The following CALCR variants were observed in gnomAD, a reference collection of about 807,000 sequenced individuals.
The protein encoded by CALCR is calcitonin receptor.
A neutral mutation model predicts 59.5 loss-of-function variants in CALCR; 47 were observed. That is an observed-to-expected ratio of 0.79 (90% CI 0.63 to 1.01). The LOEUF is 1.01. Ranked by LOEUF, CALCR falls within the 50% of genes least tolerant of loss-of-function variation. The probability of loss-of-function intolerance (pLI) is 0.00; values close to 1 mark genes in which losing one functional copy is unlikely to be tolerated. For synonymous variants in CALCR, 213 were observed against 211.3 expected, an observed-to-expected ratio of 1.01 and a Z score of -0.07; for missense variants, 566 against 597.1, an observed-to-expected ratio of 0.95 and a Z score of 0.54.
At position 93,525,708 on chromosome 7, in the gene CALCR, A is replaced by G. The variant is rs530829627; in HGVS notation, c.-26-38701T>C. ...CAGTCAGTTAGAAACCAGATTGACAATAGTCAGTCAGGATTAATTCTTAAA... is the reference window on the plus strand; with the variant it reads ...CAGTCAGTTAGAAACCAGATTGACAGTAGTCAGTCAGGATTAATTCTTAAA... On this transcript the variant is annotated intron_variant, in intron 2 of 13. Transcript: ENST00000426151. Among the ~76,000 whole-genome samples, 3 of 152,350 alleles carry G rather than the reference A, an allele frequency of 2.0e-5. No individual in the cohort carries two copies. In the East Asian group the frequency reaches 5.8e-4, roughly 29 times the overall value.
chr7:93,526,636 A>G lies in CALCR; in HGVS notation c.-26-39629T>C, dbSNP rs148685639. ...AGAGAATATGAAATAATGTAAAGTG[A>G]TAATATATGAAATTTTATTCCATTA... On this transcript the variant is annotated intron_variant, in intron 2 of 13. Coordinates refer to ENST00000426151, the MANE Select transcript of CALCR (RefSeq NM_001742.4). Among the ~76,000 whole-genome samples, 30 of 152,244 alleles carry G rather than the reference A, an allele frequency of 2.0e-4. 1 individual carries two copies. Among genetic ancestry groups the G allele is most frequent in the Admixed American group, 5.9e-4 (9 of 15,284 alleles).
chr7:93,477,961 C>CAAAAAAAAAAAAAAAAAAAAA (rs71107894), intron 4 of CALCR, among the ~76,000 whole-genome samples: 1 of 54,400 alleles, frequency 1.8e-5, no homozygotes, highest in Non-Finnish European at 3.3e-5. Flanking sequence ...GACCCTCTCT[C>CAAAAAAAAAAAAAAAAAAAAA]AAAAAAAAAA....
At chr7:93,497,136 G>T (rs1319801264) in intron 2 of CALCR, among the ~76,000 whole-genome samples, 2 of 151,518 alleles carry the variant, frequency 1.3e-5, no homozygotes, top group African/African-American at 4.8e-5. Flanking sequence ...GCTGTTCTGG[G>T]TAAACAGTGT....
At chr7:93,537,149 CA>C (rs1314311685) in intron 2 of CALCR, among the ~76,000 whole-genome samples, 2 of 151,522 alleles carry the variant, frequency 1.3e-5, no homozygotes, top group African/African-American at 4.8e-5. Flanking sequence ...AGTTGTGAGA[CA>C]ATTTTCCTCA....
intron 6 of CALCR, among the ~76,000 whole-genome samples, chr7:93,469,758 C>T (rs1800515010): frequency 6.6e-6 from 1 of 151,724 alleles, no homozygotes; most frequent in Non-Finnish European, 1.5e-5. Context: ...GTACTTTAAT[C>T]TCTTGGCTTT....
At chr7:93,471,166 C>CAACACTAAG (rs1467642276) in intron 6 of CALCR, among the ~76,000 whole-genome samples, 1 of 151,758 alleles carries the variant, frequency 6.6e-6, no homozygotes, top group Non-Finnish European at 1.5e-5. Flanking sequence ...AGTCCAAAAA[C>CAACACTAAG]AACACTAAGA....
chr7:93,570,994 T>C (rs1026361994), intron 2 of CALCR, among the ~76,000 whole-genome samples: 1 of 152,202 alleles, frequency 6.6e-6, no homozygotes, highest in East Asian at 1.9e-4. Context: ...ACTTTTAATA[T>C]AAAATTTTAA....
At chr7:93,460,607 A>G (rs1800312546) in intron 8 of CALCR, among the ~76,000 whole-genome samples, 1 of 139,260 alleles carries the variant, frequency 7.2e-6, no homozygotes, top group African/African-American at 2.8e-5. Flanking sequence ...ATATATATAT[A>G]TATATGGTTT....
In CALCR at chr7:93,425,412, A is replaced by ATCT. The variant is rs1307736383; in HGVS notation, c.*941_*943dup. The ATCT allele has an allele frequency of 6.6e-6, 1 of 152,606 alleles. No individual in the cohort carries two copies. The highest frequency in any genetic ancestry group is 2.4e-5 in the African/African-American group (1 of 41,442). The allele number at this position is 152,606 out of a possible 1,614,324, so 9.5% of individuals were successfully genotyped here. On this transcript the variant is annotated 3_prime_UTR_variant, in exon 14 of 14. Coordinates refer to ENST00000426151, the MANE Select transcript of CALCR (RefSeq NM_001742.4). ...TTAATTACCAATATTCAACAAATTTATCTTTTACTGCTAGATAGCACCCAA... is the reference window on the plus strand; with the variant it reads ...TTAATTACCAATATTCAACAAATTTATCTTCTTTTACTGCTAGATAGCACCCAA...
chr7:93,460,593 G>A (rs35878205), intron 8 of CALCR, among the ~76,000 whole-genome samples: 29,924 of 86,804 alleles, frequency 0.34, 4,950 homozygotes, highest in Non-Finnish European at 0.4. Flanking sequence ...ATATATATAT[G>A]TATATATATA....
intron 3 of CALCR, among the ~76,000 whole-genome samples, chr7:93,482,119 T>C (rs901704557): frequency 4.0e-5 from 6 of 151,836 alleles, no homozygotes; most frequent in African/African-American, 1.4e-4. Context: ...TGGAACACGA[T>C]TTGCAAAATT....
chr7:93,568,638 G>T lies in CALCR; in HGVS notation c.-27+5651C>A, dbSNP rs117391476. Reference sequence around the variant, plus strand: ...TCCCTTTAAATATTGGTGCTTTCCAGGATTCTAAGATGTTTTACTTTTCTT... The same window carrying T: ...TCCCTTTAAATATTGGTGCTTTCCATGATTCTAAGATGTTTTACTTTTCTT... On this transcript the variant is annotated intron_variant, in intron 2 of 13. Coordinates refer to ENST00000426151, the MANE Select transcript of CALCR (RefSeq NM_001742.4). Among the ~76,000 whole-genome samples, 71 of 149,768 alleles carry T rather than the reference G, an allele frequency of 4.7e-4. No homozygotes were observed. The East Asian group carries it at 0.012, about 25-fold the overall frequency.
intron 2 of CALCR, among the ~76,000 whole-genome samples, chr7:93,530,898 C>T (rs1309028981): frequency 6.6e-6 from 1 of 152,028 alleles, no homozygotes; most frequent in African/African-American, 2.4e-5. Context: ...CACTGGAGAG[C>T]TTGTCAGAAA....
intron 8 of CALCR, 80 bp downstream of exon 8, chr7:93,460,741 C>T: frequency 1.8e-6 from 2 of 1,085,044 alleles, no homozygotes; most frequent in Admixed American, 2.8e-5. Context: ...TGCTTAAGTC[C>T]AACATGAACA....
At chr7:93,467,361 A>T (rs1457009169) in intron 7 of CALCR, among the ~76,000 whole-genome samples, 1 of 151,670 alleles carries the variant, frequency 6.6e-6, no homozygotes, top group African/African-American at 2.4e-5. Context: ...ATCCAGTTAA[A>T]AATTGCTGTT....
intron 2 of CALCR, among the ~76,000 whole-genome samples, chr7:93,530,568 T>G (rs1788804897): frequency 6.6e-6 from 1 of 152,144 alleles, no homozygotes; most frequent in African/African-American, 2.4e-5. Flanking sequence ...ATCTTTGACA[T>G]GCTCTTCTAT....
At chr7:93,541,940 GT>G (rs889680517) in intron 2 of CALCR, among the ~76,000 whole-genome samples, 6 of 151,776 alleles carry the variant, frequency 4.0e-5, no homozygotes, top group African/African-American at 1.5e-4. Flanking sequence ...TTAGTAGCTG[GT>G]TTTTTTTGGA....
chr7:93,504,393 C>A (rs1011284036), intron 2 of CALCR, among the ~76,000 whole-genome samples: 1 of 152,160 alleles, frequency 6.6e-6, no homozygotes, highest in African/African-American at 2.4e-5. Context: ...AGTAATAGAC[C>A]ATGAGATAGT....
At chr7:93,463,983 A>G (rs1375149231) in intron 7 of CALCR, among the ~76,000 whole-genome samples, 1 of 152,068 alleles carries the variant, frequency 6.6e-6, no homozygotes, top group African/African-American at 2.4e-5. Context: ...TCTACAACAT[A>G]ATCTACCAAT....
Sources: allele counts gnomAD v4.1 joint callset (sites outside exome capture counted in the v4.1 genomes callset), GRCh38; gene constraint gnomAD v4.1.1; transcripts MANE v1.5; gene names NCBI Gene and HGNC (gene_info 2026-07-23, HGNC 2026-07-21).